Variants in AGBL4 observed in about 807,000 individuals in gnomAD.
AGBL4 encodes the protein AGBL carboxypeptidase 4.
AGBL4 carries 58 observed loss-of-function variants against 66.4 expected under a neutral mutation model. The observed-to-expected ratio is 0.87, with a 90% CI of 0.71 to 1.09. AGBL4 has a LOEUF of 1.09. AGBL4 is among the 50% of genes least tolerant of loss of function. AGBL4 has a pLI of 0.00. For missense variants in AGBL4, 579 were observed against 631.0 expected (o/e 0.92, Z 0.88); for synonymous variants, 234 against 222.9 (o/e 1.05, Z -0.44).
At chr1:49,757,326 A>G (rs3899509) in intron 2 of AGBL4, among the ~76,000 whole-genome samples, 9,860 of 152,284 alleles carry the variant, frequency 0.065, 1,022 homozygotes, top group African/African-American at 0.22. Flanking sequence ...CAGTGTAAAA[A>G]TGAACTAATA....
At chr1:48,835,890 G>C (rs1380416518) in intron 6 of AGBL4, among the ~76,000 whole-genome samples, 1 of 152,084 alleles carries the variant, frequency 6.6e-6, no homozygotes, top group Non-Finnish European at 1.5e-5. Flanking sequence ...AGCCAGTATG[G>C]AATGAATACT....
rs555612171 is a variant in AGBL4, at chr1:49,768,666, T to C, written c.158-71229A>G. ...CTCCTATTCAACATATTACCGGAAGTCCTAGCCAGAGCAATCAGGCAAGAG... is the reference window on the plus strand; with the variant it reads ...CTCCTATTCAACATATTACCGGAAGCCCTAGCCAGAGCAATCAGGCAAGAG... On this transcript the variant is annotated intron_variant, in intron 2 of 13. Coordinates refer to ENST00000371839, the MANE Select transcript of AGBL4 (RefSeq NM_032785.4). Among the ~76,000 whole-genome samples, 20 of 152,116 alleles carry C rather than the reference T, an allele frequency of 1.3e-4. No homozygotes were observed. The South Asian group carries it at 3.9e-3, about 30-fold the overall frequency.
intron 6 of AGBL4, among the ~76,000 whole-genome samples, chr1:48,772,324 C>T (rs1299856775): frequency 6.6e-6 from 1 of 152,202 alleles, no homozygotes; most frequent in Non-Finnish European, 1.5e-5. Flanking sequence ...GCAAGGTCTC[C>T]AAATGTACTT....
chr1:49,021,094 T>C lies in AGBL4; in HGVS notation c.594+24490A>G, dbSNP rs535126652. 2.6e-4 allele frequency among the ~76,000 whole-genome samples: 39 copies of C among 152,308 alleles called. 1 individual carries two copies. The South Asian group carries it at 6.0e-3, about 23-fold the overall frequency. ...TATTTCCATGATCCTATTAGGTTCC[T>C]ACAGCAACACAGAGGTAGTCAGTGA... On this transcript the variant is annotated intron_variant, in intron 5 of 13. Coordinates refer to ENST00000371839, the MANE Select transcript of AGBL4 (RefSeq NM_032785.4).
In AGBL4 at chr1:49,117,660, T is replaced by C. The variant is rs531478010; in HGVS notation, c.378-71860A>G. On this transcript the variant is annotated intron_variant, in intron 4 of 13. Transcript: ENST00000371839. ...GTTTGAAGTCAAGTAGCGTGATGCC[T>C]CCAGCTTTGTTCTTTTTGCTTAGGA... Among the ~76,000 whole-genome samples the C allele has an allele frequency of 2.4e-3, 358 of 152,336 alleles. 1 individual carries two copies. The highest frequency in any genetic ancestry group is 6.8e-3 in the Middle Eastern group (2 of 294).
chr1:48,752,089 C>T (rs1475484711), intron 6 of AGBL4, among the ~76,000 whole-genome samples: 1 of 152,172 alleles, frequency 6.6e-6, no homozygotes, highest in Non-Finnish European at 1.5e-5. Flanking sequence ...CCACCACTAA[C>T]TCTAAACCGG....
At chr1:48,591,326 C>T (rs1644916374) in intron 9 of AGBL4, among the ~76,000 whole-genome samples, 1 of 152,132 alleles carries the variant, frequency 6.6e-6, no homozygotes, top group Non-Finnish European at 1.5e-5. Context: ...CTCAGAACAG[C>T]TAACACATTC....
intron 1 of AGBL4, among the ~76,000 whole-genome samples, chr1:49,923,853 T>C (rs115748664): frequency 6.6e-6 from 1 of 152,288 alleles, no homozygotes; most frequent in African/African-American, 2.4e-5. Context: ...AAAAGAATGA[T>C]TCTACAATGT....
chr1:49,875,611 A>G (rs1331009053), intron 1 of AGBL4, among the ~76,000 whole-genome samples: 1 of 149,166 alleles, frequency 6.7e-6, no homozygotes, highest in Non-Finnish European at 1.5e-5. Context: ...ATGCCGCAAT[A>G]AACATACGTG....
At chr1:48,758,977 G>T in intron 6 of AGBL4, 1 of 1,612,536 alleles carries the variant, frequency 6.2e-7, no homozygotes, top group Non-Finnish European at 8.5e-7. Context: ...AGACACAAGT[G>T]CCCCGTACTC....
At chr1:48,997,062 AC>A (rs1661071749) in intron 5 of AGBL4, among the ~76,000 whole-genome samples, 1 of 152,032 alleles carries the variant, frequency 6.6e-6, no homozygotes, top group South Asian at 2.1e-4. Context: ...AGCTGTGATT[AC>A]AGGTGCCCGC....
chr1:49,262,005 G>A (rs541378707), intron 3 of AGBL4, among the ~76,000 whole-genome samples: 9 of 151,488 alleles, frequency 5.9e-5, no homozygotes, highest in African/African-American at 1.5e-4. Context: ...AAATAACGCC[G>A]CATATCTACA....
intron 6 of AGBL4, among the ~76,000 whole-genome samples, chr1:48,693,967 C>T (rs189882499): frequency 6.6e-6 from 1 of 151,640 alleles, no homozygotes; most frequent in East Asian, 1.9e-4. Context: ...ACTCAACCAA[C>T]CCCAGTCTCT....
At chr1:49,709,251 C>T (rs940599400) in intron 2 of AGBL4, among the ~76,000 whole-genome samples, 8 of 152,220 alleles carry the variant, frequency 5.3e-5, no homozygotes, top group African/African-American at 1.9e-4. Flanking sequence ...CAGAGATGCC[C>T]TGCCCAGAGA....
intron 3 of AGBL4, among the ~76,000 whole-genome samples, chr1:49,662,105 CAT>C (rs1174775527): frequency 6.6e-6 from 1 of 151,162 alleles, no homozygotes; most frequent in Non-Finnish European, 1.5e-5. Context: ...AAATCTATAA[CAT>C]GGGTGGAGGA....
chr1:49,400,666 C>G (rs1645065311), intron 3 of AGBL4, among the ~76,000 whole-genome samples: 1 of 152,022 alleles, frequency 6.6e-6, no homozygotes, highest in South Asian at 2.1e-4. Flanking sequence ...TTTTCAGATT[C>G]TTCGCTGCTG....
intron 3 of AGBL4, among the ~76,000 whole-genome samples, chr1:49,370,470 A>G (rs1644319436): frequency 6.6e-6 from 1 of 152,112 alleles, no homozygotes; most frequent in Non-Finnish European, 1.5e-5. Context: ...TAAGGTCTTC[A>G]GTGGATTAAA....
chr1:49,606,345 G>A (rs368476307), intron 3 of AGBL4, among the ~76,000 whole-genome samples: 6 of 152,212 alleles, frequency 3.9e-5, no homozygotes, highest in Non-Finnish European at 5.9e-5. Context: ...AAGATCCCCT[G>A]AGCAATCGAA....
chr1:49,784,458 A>G (rs564360942), intron 2 of AGBL4, among the ~76,000 whole-genome samples: 2 of 152,174 alleles, frequency 1.3e-5, no homozygotes. Context: ...CCTTCCTCAA[A>G]CCACAAATGA....
Sources: allele counts gnomAD v4.1 joint callset (sites outside exome capture counted in the v4.1 genomes callset), GRCh38; gene constraint gnomAD v4.1.1; transcripts MANE v1.5; gene names NCBI Gene and HGNC (gene_info 2026-07-23, HGNC 2026-07-21).